The following GRID2 variants were observed in gnomAD, a reference collection of about 807,000 sequenced individuals.
GRID2 encodes glutamate ionotropic receptor delta type subunit 2, also known as glutamate receptor ionotropic, delta-2.
In GRID2, 33 loss-of-function variants were observed where a neutral mutation model predicts 114.8. The ratio of observed to expected loss-of-function variants is 0.29; its 90% confidence interval spans 0.22 to 0.38. The LOEUF is 0.38. GRID2 is among the 10% of genes least tolerant of loss of function. The pLI is 1.00. For missense variants in GRID2, 1,184 were observed against 1,257.7 expected (o/e 0.94, Z 0.89); for synonymous variants, 505 against 449.9 (o/e 1.12, Z -1.55).
At chr4:93,587,642 G>A (rs556996925) in intron 13 of GRID2, among the ~76,000 whole-genome samples, 2 of 151,828 alleles carry the variant, frequency 1.3e-5, no homozygotes, top group Non-Finnish European at 2.9e-5. Flanking sequence ...AATATTTCTT[G>A]TACTTTCTCT....
intron 2 of GRID2, among the ~76,000 whole-genome samples, chr4:92,976,109 A>G (rs1018786074): frequency 2.0e-5 from 3 of 152,070 alleles, no homozygotes; most frequent in Non-Finnish European, 4.4e-5. Flanking sequence ...TTATTCTTCT[A>G]CTCAATCATA....
chr4:92,630,457 A>G (rs546874101), intron 2 of GRID2, among the ~76,000 whole-genome samples: 1 of 152,190 alleles, frequency 6.6e-6, no homozygotes, highest in South Asian at 2.1e-4. Flanking sequence ...TAACTGCTCA[A>G]GTGTCATTTT....
intron 2 of GRID2, among the ~76,000 whole-genome samples, chr4:92,693,537 C>T (rs6858358): frequency 0.16 from 24,558 of 152,132 alleles, 2,160 homozygotes; most frequent in East Asian, 0.33. Flanking sequence ...CAAATTTTAC[C>T]ATTCACTCAT....
chr4:93,243,934 G>A (rs1747835498), intron 8 of GRID2, among the ~76,000 whole-genome samples: 1 of 151,764 alleles, frequency 6.6e-6, no homozygotes, highest in Admixed American at 6.6e-5. Context: ...TTTTGCCCAA[G>A]AATGTGGTTA....
At chr4:93,404,190 CA>C (rs1427131108) in intron 9 of GRID2, among the ~76,000 whole-genome samples, 1 of 152,008 alleles carries the variant, frequency 6.6e-6, no homozygotes, top group Non-Finnish European at 1.5e-5. Flanking sequence ...TAGGGACTCA[CA>C]GGGGCAAAAA....
At chr4:92,511,745 G>T (rs1724261865) in intron 1 of GRID2, among the ~76,000 whole-genome samples, 1 of 151,822 alleles carries the variant, frequency 6.6e-6, no homozygotes, top group African/African-American at 2.4e-5. Flanking sequence ...TGAAAGTTTT[G>T]CTATAAAAAT....
intron 13 of GRID2, among the ~76,000 whole-genome samples, chr4:93,552,786 C>G (rs1267749067): frequency 1.4e-5 from 2 of 147,480 alleles, no homozygotes; most frequent in Admixed American, 1.4e-4. Context: ...CTCCCCCAGC[C>G]CCCCACCCCC....
chr4:92,435,908 T>C (rs1579354643), intron 1 of GRID2, among the ~76,000 whole-genome samples: 1 of 152,192 alleles, frequency 6.6e-6, no homozygotes, highest in South Asian at 2.1e-4. Context: ...GTTCTTTTTA[T>C]CCTTGCATTT....
At chr4:92,905,383 C>T (rs927775370) in intron 2 of GRID2, among the ~76,000 whole-genome samples, 10 of 148,954 alleles carry the variant, frequency 6.7e-5, no homozygotes, top group Non-Finnish European at 1.0e-4. Flanking sequence ...AATATAATAA[C>T]GTTAAAATTT....
At chr4:92,767,235 C>A (rs1325935499) in intron 2 of GRID2, among the ~76,000 whole-genome samples, 1 of 152,188 alleles carries the variant, frequency 6.6e-6, no homozygotes, top group African/African-American at 2.4e-5. Flanking sequence ...AACCAACAGA[C>A]AGAAAGTATC....
intron 2 of GRID2, among the ~76,000 whole-genome samples, chr4:92,632,861 A>G (rs1560500653): frequency 6.6e-6 from 1 of 152,170 alleles, no homozygotes; most frequent in Admixed American, 6.6e-5. Flanking sequence ...TTTTCTCTTT[A>G]TGGCATGGCA....
At chr4:92,481,983 TA>T (rs1722621173) in intron 1 of GRID2, among the ~76,000 whole-genome samples, 1 of 50,992 alleles carries the variant, frequency 2.0e-5, no homozygotes, top group South Asian at 5.4e-4. Context: ...TAAAATGTGA[TA>T]TATATATATA....
rs757097937 is a variant in GRID2, at chr4:92,509,369, G to C, written c.89-80762G>C. Among the ~76,000 whole-genome samples, 4 of 151,776 alleles carry C rather than the reference G, an allele frequency of 2.6e-5. No individual in the cohort carries two copies. The East Asian group carries it at 5.8e-4, about 22-fold the overall frequency. On this transcript the variant is annotated intron_variant, in intron 1 of 15. Coordinates refer to ENST00000282020, the MANE Select transcript of GRID2 (RefSeq NM_001510.4). The stretch of plus-strand genomic sequence containing the variant: ...ACTTAATAAAAAGTGATCATCTCTG[G>C]ATCTTAATCAGCAAACAACTATTGG...
chr4:93,535,452 A>C (rs1390028023), intron 13 of GRID2, among the ~76,000 whole-genome samples: 2 of 152,006 alleles, frequency 1.3e-5, no homozygotes, highest in Admixed American at 1.3e-4. Context: ...TTTCATTTTT[A>C]ATTTTTCATG....
chr4:92,576,286 G>A (rs542908100), intron 1 of GRID2, among the ~76,000 whole-genome samples: 33 of 152,226 alleles, frequency 2.2e-4, no homozygotes, highest in East Asian at 7.8e-4. Flanking sequence ...TTCCTTGTCC[G>A]GACCATTTGG....
chr4:93,165,885 T>A (rs1738203579), intron 4 of GRID2, among the ~76,000 whole-genome samples: 1 of 152,074 alleles, frequency 6.6e-6, no homozygotes, highest in Non-Finnish European at 1.5e-5. Context: ...ATTAGAGGAA[T>A]GTCATTTGTA....
chr4:93,781,781 T>G (rs1315709009), intron 1 of GRID2, among the ~76,000 whole-genome samples: 1 of 152,158 alleles, frequency 6.6e-6, no homozygotes, highest in Non-Finnish European at 1.5e-5. Context: ...TCTGTACATG[T>G]TTAGTACAGA....
chr4:93,270,886 C>T (rs907952384), intron 8 of GRID2, among the ~76,000 whole-genome samples: 1 of 152,152 alleles, frequency 6.6e-6, no homozygotes, highest in Non-Finnish European at 1.5e-5. Context: ...ACTTCAGCCT[C>T]TCAAAGTGCT....
chr4:93,276,942 C>T (rs1314512171), intron 8 of GRID2, among the ~76,000 whole-genome samples: 1 of 151,652 alleles, frequency 6.6e-6, no homozygotes, highest in Non-Finnish European at 1.5e-5. Context: ...GCTTCCATAG[C>T]CATCAATAAA....
Sources: allele counts gnomAD v4.1 joint callset (sites outside exome capture counted in the v4.1 genomes callset), GRCh38; gene constraint gnomAD v4.1.1; transcripts MANE v1.5; gene names NCBI Gene and HGNC (gene_info 2026-07-23, HGNC 2026-07-21).